ADGRV1: variants seen among roughly 807,000 people sequenced by gnomAD.
ADGRV1 encodes adhesion G protein-coupled receptor V1.
ADGRV1 carries 359 observed loss-of-function variants against 596.2 expected under a neutral mutation model. That is an observed-to-expected ratio of 0.60 (90% CI 0.55 to 0.66). The LOEUF is 0.66. ADGRV1 is among the 30% of genes least tolerant of loss of function. ADGRV1 has a pLI of 0.00. For missense variants in ADGRV1, 7,274 were observed against 7,575.6 expected, an observed-to-expected ratio of 0.96 and a Z score of 1.48; for synonymous variants, 2,681 against 2,679.2, an observed-to-expected ratio of 1.00 and a Z score of -0.02.
At chr5:90,682,391 C>A (rs1252200784) in intron 27 of ADGRV1, among the ~76,000 whole-genome samples, 1 of 152,186 alleles carries the variant, frequency 6.6e-6, no homozygotes, top group Admixed American at 6.5e-5. Flanking sequence ...GGGTGAAGTG[C>A]AATCCTATCC....
intron 85 of ADGRV1, among the ~76,000 whole-genome samples, chr5:91,032,617 A>G (rs1361947316): frequency 2.6e-5 from 4 of 151,964 alleles, no homozygotes; most frequent in Non-Finnish European, 4.4e-5. Context: ...TCTTAATTAT[A>G]TAATTTATTC....
intron 57 of ADGRV1, among the ~76,000 whole-genome samples, 165 bp downstream of exon 57, chr5:90,757,326 G>A (rs1755941194): frequency 6.6e-6 from 1 of 152,108 alleles, no homozygotes; most frequent in Non-Finnish European, 1.5e-5. Context: ...TTATTAATGG[G>A]CATAGGAAGA....
Position 90,713,274 on chromosome 5 carries a change from A to G in ADGRV1, c.9184+846A>G, listed in dbSNP as rs371852151. ...ATATAAAAGAATTCTGAGTAACCCA[A>G]GGATTGGTTTTTACTTTTCTTGCTA... On this transcript the variant is annotated intron_variant, in intron 42 of 89. Transcript: ENST00000405460. 6.6e-5 allele frequency among the ~76,000 whole-genome samples: 10 copies of G among 151,994 alleles called. No individual in the cohort carries two copies. The East Asian group carries it at 1.2e-3, about 18-fold the overall frequency.
At chr5:90,955,393 G>C (rs956189283) in intron 83 of ADGRV1, among the ~76,000 whole-genome samples, 1 of 152,108 alleles carries the variant, frequency 6.6e-6, no homozygotes, top group Non-Finnish European at 1.5e-5. Flanking sequence ...CTTCTGGCCT[G>C]CTGCCCCAAA....
intron 57 of ADGRV1, among the ~76,000 whole-genome samples, chr5:90,758,215 C>T (rs995413275): frequency 1.3e-5 from 2 of 152,064 alleles, no homozygotes; most frequent in Non-Finnish European, 2.9e-5. Flanking sequence ...CACCTGTAGT[C>T]CCAGCTATTC....
At chr5:90,952,692 A>G (rs1181856557) in intron 83 of ADGRV1, among the ~76,000 whole-genome samples, 1 of 152,210 alleles carries the variant, frequency 6.6e-6, no homozygotes, top group African/African-American at 2.4e-5. Flanking sequence ...CTGTCTGTAT[A>G]GATAGTAATA....
intron 68 of ADGRV1, among the ~76,000 whole-genome samples, chr5:90,789,420 G>T (rs187626310): frequency 6.6e-6 from 1 of 152,092 alleles, no homozygotes; most frequent in Non-Finnish European, 1.5e-5. Context: ...TGAATAAAGC[G>T]AAATTCAGGC....
At position 90,631,204 on chromosome 5, in the gene ADGRV1, T is replaced by A. The variant is rs141849720; in HGVS notation, c.1839+1665T>A. ...AGAAATTTGAAGGGAAGGAAATGAT[T>A]TATCTTTTAGATAACTCGATCTTTG... On this transcript the variant is annotated intron_variant, in intron 9 of 89. Coordinates refer to ENST00000405460, the MANE Select transcript of ADGRV1 (RefSeq NM_032119.4). 2.6e-5 allele frequency among the ~76,000 whole-genome samples: 4 copies of A among 152,328 alleles called. No homozygotes were observed. The East Asian group carries it at 7.7e-4, about 29-fold the overall frequency.
At position 91,153,225 on chromosome 5, in the gene ADGRV1, C is replaced by T. The variant is rs749622020; in HGVS notation, c.18629C>T (p.Pro6210Leu). The change falls in exon 89 of 90, where the codon CCA becomes CTA. Residue 6210 changes from proline to leucine, a missense_variant. Physicochemically the swap from Pro to Leu is moderately conservative, Grantham distance 98. Transcript: ENST00000405460. The part of the protein sequence containing the change: ...QNLIGAMEEV[P>L]PDWERASFQQ... ...CCCCCATCCCAATCTAAAAAGGTGC[C>T]ACCTGACTGGGAGAGAGCATCCTTC... The T allele has an allele frequency of 1.3e-4, 209 of 1,603,036 alleles. No individual in the cohort carries two copies. Among genetic ancestry groups the T allele is most frequent in the Non-Finnish European group, 1.7e-4 (198 of 1,174,668 alleles).
chr5:91,063,474 G>A (rs1787626116), intron 85 of ADGRV1, among the ~76,000 whole-genome samples: 1 of 152,002 alleles, frequency 6.6e-6, no homozygotes. Context: ...ACAATATATA[G>A]TAATTCCCTA....
intron 85 of ADGRV1, among the ~76,000 whole-genome samples, chr5:91,038,410 G>A (rs1341199222): frequency 4.6e-5 from 7 of 152,198 alleles, no homozygotes; most frequent in Admixed American, 1.3e-4. Context: ...GGTGAATGCA[G>A]ACCTTAGAGT....
intron 83 of ADGRV1, among the ~76,000 whole-genome samples, chr5:90,953,551 T>C (rs1777224449): frequency 6.6e-6 from 1 of 152,144 alleles, no homozygotes; most frequent in Non-Finnish European, 1.5e-5. Flanking sequence ...GTTTTTTGTT[T>C]TGTTTTGTTT....
In ADGRV1 at chr5:90,665,265, C is replaced by G. The variant is rs1468837575; in HGVS notation, c.4752+6987C>G. On this transcript the variant is annotated intron_variant, in intron 21 of 89. Coordinates refer to ENST00000405460, the MANE Select transcript of ADGRV1 (RefSeq NM_032119.4). ...TCCTGGACTCTTTTTGGTTGGTAAA[C>G]TATTGATTATTGCCACAATTTCAGA... Among the ~76,000 whole-genome samples, 5 of 152,228 alleles carry G rather than the reference C, an allele frequency of 3.3e-5. No individual in the cohort carries two copies. In the East Asian group the frequency reaches 9.6e-4, roughly 29 times the overall value.
intron 83 of ADGRV1, among the ~76,000 whole-genome samples, chr5:90,924,701 C>T (rs1297447856): frequency 1.3e-5 from 2 of 152,108 alleles, no homozygotes; most frequent in African/African-American, 4.8e-5. Context: ...ACATGAAGTC[C>T]TTGCCCATGC....
At chr5:90,567,795 A>G (rs1177545880) in intron 1 of ADGRV1, among the ~76,000 whole-genome samples, 3 of 149,576 alleles carry the variant, frequency 2.0e-5, no homozygotes, top group African/African-American at 7.4e-5. Context: ...GTGGGAGTGC[A>G]GTGGTGCGAT....
intron 83 of ADGRV1, among the ~76,000 whole-genome samples, chr5:90,937,087 A>G (rs1775757046): frequency 6.6e-6 from 1 of 152,134 alleles, no homozygotes; most frequent in Non-Finnish European, 1.5e-5. Context: ...TCCTTCTACT[A>G]GACTTTAAGA....
Position 90,960,008 on chromosome 5 carries a change from G to A in ADGRV1, c.17857-5407G>A, listed in dbSNP as rs541973644. Among the ~76,000 whole-genome samples, 31 of 151,866 alleles carry A rather than the reference G, an allele frequency of 2.0e-4. No individual in the cohort carries two copies. The South Asian group carries it at 3.3e-3, about 16-fold the overall frequency. ...CAAAAAATTAGCTGGGCATGGTGGC[G>A]GGCACCTGTAGTCCCAGCTACTCGG... On this transcript the variant is annotated intron_variant, in intron 83 of 89. Coordinates refer to ENST00000405460, the MANE Select transcript of ADGRV1 (RefSeq NM_032119.4).
rs1767511903 is a variant in ADGRV1 at position 90,644,879 on chromosome 5, G to A, written c.2898+10G>A. 2 of 1,536,752 alleles carry A rather than the reference G, an allele frequency of 1.3e-6. No individual in the cohort carries two copies. Among genetic ancestry groups the A allele is most frequent in the Admixed American group, 2.1e-5 (1 of 47,838 alleles). ...CTCCCTTCCAGATGAGGTAAATATT[G>A]CATATAACTTTCTGCCTTACTTGTT... On this transcript the variant is annotated intron_variant, in intron 15 of 89. Transcript: ENST00000405460.
At chr5:90,662,879 G>A (rs996924715) in intron 21 of ADGRV1, among the ~76,000 whole-genome samples, 3 of 151,490 alleles carry the variant, frequency 2.0e-5, no homozygotes, top group African/African-American at 7.3e-5. Flanking sequence ...TTTTGTTCTT[G>A]CGATACTTTA....
Sources: allele counts gnomAD v4.1 joint callset (sites outside exome capture counted in the v4.1 genomes callset), GRCh38; gene constraint gnomAD v4.1.1; transcripts MANE v1.5; gene names NCBI Gene and HGNC (gene_info 2026-07-23, HGNC 2026-07-21).